MAD1L1: variants seen among roughly 807,000 people sequenced by gnomAD.
The protein encoded by MAD1L1 is mitotic spindle assembly checkpoint protein MAD1.
In MAD1L1, 95 loss-of-function variants were observed where a neutral mutation model predicts 96.9. The ratio of observed to expected loss-of-function variants is 0.98; its 90% CI spans 0.83 to 1.16. The LOEUF (loss-of-function observed/expected upper bound fraction) is 1.16, where lower values mean the gene tolerates loss of function less well. Among genes scored for constraint, MAD1L1 ranks in the 50% most tolerant of loss-of-function variants. MAD1L1 has a pLI of 0.00. For missense variants in MAD1L1, 1,007 were observed against 954.4 expected (o/e 1.06, Z -0.73); for synonymous variants, 473 against 396.6 (o/e 1.19, Z -2.29).
intron 16 of MAD1L1, among the ~76,000 whole-genome samples, chr7:1,954,156 T>C (rs1583904573): frequency 6.6e-6 from 1 of 151,896 alleles, no homozygotes; most frequent in Non-Finnish European, 1.5e-5. Flanking sequence ...GTCTTGGAGG[T>C]AAGGACGACG....
At chr7:1,969,200 G>A (rs1464281746) in intron 15 of MAD1L1, among the ~76,000 whole-genome samples, 2 of 152,028 alleles carry the variant, frequency 1.3e-5, no homozygotes, top group East Asian at 3.9e-4. Flanking sequence ...CCTGGCCAAC[G>A]TGATGAAACC....
intron 16 of MAD1L1, among the ~76,000 whole-genome samples, chr7:1,956,644 G>GTC (rs1779740618): frequency 6.6e-6 from 1 of 152,168 alleles, no homozygotes. Context: ...GACACTGCCA[G>GTC]CCACTCCTCA....
rs183953216 is a variant in MAD1L1 at position 2,228,935 on chromosome 7, G to A, written c.150+1049C>T. On this transcript the variant is annotated intron_variant, in intron 3 of 18. Transcript: ENST00000265854. ...TTTTTAGTAGAGACAGGGTTTCACCGTGTTAGCCAGGATGATCTTGATCTC... is the reference window on the plus strand; with the variant it reads ...TTTTTAGTAGAGACAGGGTTTCACCATGTTAGCCAGGATGATCTTGATCTC... 4.6e-5 allele frequency among the ~76,000 whole-genome samples: 7 copies of A among 151,848 alleles called. No homozygotes were observed. In the South Asian group the frequency reaches 6.3e-4, roughly 14 times the overall value.
rs554919052 is a variant in MAD1L1 at position 2,102,614 on chromosome 7, G to A, written c.1074-33276C>T. ...CCACTGTCACCATCGGTGACACCAC[G>A]GTCTCCACCACCCTCGCACCATCAT... is the stretch of plus-strand genomic sequence containing the variant. On this transcript the variant is annotated intron_variant, in intron 11 of 18. Coordinates refer to ENST00000265854, the MANE Select transcript of MAD1L1 (RefSeq NM_001013836.2). Among the ~76,000 whole-genome samples the A allele has an allele frequency of 3.4e-5, 5 of 148,810 alleles. 1 individual carries two copies. The South Asian group carries it at 6.5e-4, about 19-fold the overall frequency.
intron 5 of MAD1L1, among the ~76,000 whole-genome samples, chr7:2,221,225 G>T (rs750543285): frequency 6.6e-6 from 1 of 151,852 alleles, no homozygotes; most frequent in East Asian, 1.9e-4. Flanking sequence ...TGCTCGGCAC[G>T]ACTCACCCTC....
intron 10 of MAD1L1, among the ~76,000 whole-genome samples, chr7:2,171,454 G>C (rs1266769442): frequency 6.6e-6 from 1 of 152,186 alleles, no homozygotes; most frequent in East Asian, 1.9e-4. Context: ...GCCACGTATG[G>C]GTCACCTCCA....
At chr7:1,876,258 C>T (rs1187816019) in intron 18 of MAD1L1, among the ~76,000 whole-genome samples, 1 of 152,194 alleles carries the variant, frequency 6.6e-6, no homozygotes, top group Non-Finnish European at 1.5e-5. Context: ...TCATGTTAAA[C>T]CAGCTCCTTC....
intron 18 of MAD1L1, among the ~76,000 whole-genome samples, chr7:1,818,386 A>AAAAAT (rs1434267346): frequency 2.1e-4 from 32 of 151,982 alleles, no homozygotes; most frequent in African/African-American, 7.7e-4. Context: ...GTTCATTTCT[A>AAAAAT]AAAATATTTT....
At chr7:1,918,012 G>C (rs1183484590) in intron 17 of MAD1L1, among the ~76,000 whole-genome samples, 5 of 152,120 alleles carry the variant, frequency 3.3e-5, no homozygotes, top group Admixed American at 3.3e-4. Context: ...CCCAGGCAGC[G>C]CTGTATCCCT....
chr7:2,003,436 G>A (rs540991947), intron 13 of MAD1L1, among the ~76,000 whole-genome samples: 95 of 152,210 alleles, frequency 6.2e-4, no homozygotes, highest in African/African-American at 2.0e-3. Flanking sequence ...CAACCTGTCC[G>A]CTCTGCAGAC....
chr7:1,832,559 T>C (rs1378387468), intron 18 of MAD1L1, among the ~76,000 whole-genome samples: 1 of 130,282 alleles, frequency 7.7e-6, no homozygotes, highest in African/African-American at 2.9e-5. Flanking sequence ...CATTGCATGC[T>C]ACAGAGAAAT....
intron 11 of MAD1L1, among the ~76,000 whole-genome samples, chr7:2,072,539 C>G (rs3800873): frequency 0.046 from 6,986 of 152,284 alleles, 262 homozygotes; most frequent in African/African-American, 0.095. Context: ...TTAAACTACT[C>G]ATGGGCCAAT....
intron 15 of MAD1L1, among the ~76,000 whole-genome samples, chr7:1,961,621 G>GA (rs1779952643): frequency 6.6e-6 from 1 of 152,228 alleles, no homozygotes; most frequent in South Asian, 2.1e-4. Flanking sequence ...AAATACAGGA[G>GA]AAAATCTTGT....
chr7:1,833,373 T>C (rs1782799087), intron 18 of MAD1L1, among the ~76,000 whole-genome samples: 1 of 152,176 alleles, frequency 6.6e-6, no homozygotes, highest in Admixed American at 6.5e-5. Flanking sequence ...GATAAAAGCG[T>C]CCATTTATAT....
At chr7:1,970,144 C>T (rs141444412) in intron 15 of MAD1L1, among the ~76,000 whole-genome samples, 5 of 152,212 alleles carry the variant, frequency 3.3e-5, no homozygotes, top group Admixed American at 6.5e-5. Flanking sequence ...AAAGCCGAGC[C>T]GCAGAGTTGA....
chr7:1,840,168 G>T (rs1228500073), intron 18 of MAD1L1, among the ~76,000 whole-genome samples: 2 of 152,146 alleles, frequency 1.3e-5, no homozygotes, highest in African/African-American at 2.4e-5. Flanking sequence ...CTTTGGCCTG[G>T]AGCCCGAGGC....
chr7:2,094,075 C>T (rs1157745066), intron 11 of MAD1L1, among the ~76,000 whole-genome samples: 1 of 152,232 alleles, frequency 6.6e-6, no homozygotes, highest in East Asian at 1.9e-4. Context: ...GAGGACAGCA[C>T]TGGTGAGTGG....
At chr7:2,197,371 G>C (rs909421261) in intron 10 of MAD1L1, among the ~76,000 whole-genome samples, 6 of 152,098 alleles carry the variant, frequency 3.9e-5, no homozygotes, top group African/African-American at 1.5e-4. Flanking sequence ...CCAGCACCAG[G>C]CCTGCACACC....
At chr7:2,151,947 G>A (rs1170132652) in intron 10 of MAD1L1, among the ~76,000 whole-genome samples, 1 of 152,142 alleles carries the variant, frequency 6.6e-6, no homozygotes, top group Non-Finnish European at 1.5e-5. Context: ...TGGAGCCCCG[G>A]GGCATCCATC....
Sources: allele counts gnomAD v4.1 joint callset (sites outside exome capture counted in the v4.1 genomes callset), GRCh38; gene constraint gnomAD v4.1.1; transcripts MANE v1.5; gene names NCBI Gene and HGNC (gene_info 2026-07-23, HGNC 2026-07-21).